DCHS1: variants seen among roughly 807,000 people sequenced by gnomAD.
The protein encoded by DCHS1 is dachsous cadherin-related 1.
In DCHS1, 78 loss-of-function variants were observed where a neutral mutation model predicts 213.9. That is an observed-to-expected ratio of 0.36 (90% CI 0.30 to 0.44). DCHS1 has a LOEUF of 0.44. Among genes scored for constraint, DCHS1 ranks in the 20% least tolerant of loss-of-function variants. The pLI is 1.00. For missense variants in DCHS1, 3,946 were observed against 4,395.9 expected (o/e 0.90, Z 2.89); for synonymous variants, 1,828 against 1,873.7 (o/e 0.98, Z 0.63).
At position 6,627,635 on chromosome 11, in the gene DCHS1, G is replaced by A. The variant is rs750662844; in HGVS notation, c.5404C>T (p.Leu1802Phe). The A allele has an allele frequency of 5.0e-6, 8 of 1,613,184 alleles. No homozygotes were observed. In the Admixed American group the frequency reaches 1.3e-4, roughly 27 times the overall value. ...GDPSGAFVLD[L>F]ASGEFGTMRP... ...ATGGTGCCAAACTCTCCAGAAGCAA[G>A]GTCTAGGACAAAGGCTCCTGATGGG... Residue 1802 changes from leucine to phenylalanine, a missense_variant, in exon 14 of 21, where the codon CTT (leucine) becomes TTT (phenylalanine). Around this residue, in one of 3 missense-constraint regions of DCHS1, gnomAD observed 3,384 missense variants for 3,780.1 expected, o/e 0.90. Coordinates refer to ENST00000299441, the MANE Select transcript of DCHS1 (RefSeq NM_003737.4). This position sits in a 1 kb window ranked among gnomAD's most constrained non-coding sequence, Gnocchi z 5.4.
chr11:6,623,507 A>T lies in DCHS1; in HGVS notation c.8169T>A (p.Thr2723=), dbSNP rs2134610615. The part of the protein sequence containing the change: ...TSVAENQPPG[T]LVTTLHAIDG... The stretch of plus-strand genomic sequence containing the variant: ...CGATTGCATGCAGAGTGGTCACGAG[A>T]GTGCCTGGAGGCTGATTCTCGGCCA... The change falls in exon 21 of 21, where the codon ACT becomes ACA. Residue 2723 remains threonine, a synonymous_variant. Transcript: ENST00000299441. 1.2e-6 allele frequency: 2 copies of T among 1,600,950 alleles called. No individual in the cohort carries two copies. Among genetic ancestry groups the T allele is most frequent in the East Asian group, 4.5e-5 (2 of 44,180 alleles).
chr11:6,624,483 A>T, intron 20 of DCHS1, 93 bp from the exon 21 acceptor site: 1 of 1,409,028 alleles, frequency 7.1e-7, no homozygotes, highest in Non-Finnish European at 9.4e-7. Flanking sequence ...ATGGTTTTGG[A>T]AGTCAGACTC....
In DCHS1 at chr11:6,633,817, G is replaced by A; in HGVS notation, c.2190C>T (p.Pro730=). ...LSYHILAGNS[P]PLFTLDEQSG... ...ATTGCTCATCCAAGGTAAAAAGTGG[G>A]GGGCTGTTGCCAGCCAGGATATGGT... The change falls in exon 4 of 21, where the codon CCC becomes CCT. Residue 730 remains proline (P), a synonymous_variant. Coordinates refer to ENST00000299441, the MANE Select transcript of DCHS1 (RefSeq NM_003737.4). 6.2e-7 allele frequency: 1 copy of A among 1,613,790 alleles called. No homozygotes were observed. Among genetic ancestry groups the A allele is most frequent in the Non-Finnish European group, 8.5e-7 (1 of 1,179,862 alleles).
At chr11:6,635,542 G>A (rs1476603142) in intron 2 of DCHS1, among the ~76,000 whole-genome samples, 2 of 152,158 alleles carry the variant, frequency 1.3e-5, no homozygotes, top group African/African-American at 2.4e-5. Flanking sequence ...AGCTGGCCAA[G>A]GACTTCTGAT....
chr11:6,647,097 A>G (rs2063082), intron 1 of DCHS1, among the ~76,000 whole-genome samples: 33,596 of 152,118 alleles, frequency 0.22, 4,126 homozygotes, highest in Non-Finnish European at 0.27. Context: ...GGGGCGCCAC[A>G]AAAGGTAGAT....
chr11:6,643,183 G>A (rs1205798834), intron 1 of DCHS1, among the ~76,000 whole-genome samples: 4 of 152,110 alleles, frequency 2.6e-5, no homozygotes, highest in Non-Finnish European at 5.9e-5. Context: ...GAAATGCCCC[G>A]GAGCCCCTTA....
chr11:6,624,957 C>T, intron 19 of DCHS1, 89 bp from the exon 20 acceptor site: 3 of 1,557,122 alleles, frequency 1.9e-6, no homozygotes, highest in Middle Eastern at 3.8e-4. Flanking sequence ...TCCTTGTGCC[C>T]TGCTTGGCGT....
chr11:6,650,666 A>T (rs1421484513), intron 1 of DCHS1, among the ~76,000 whole-genome samples: 1 of 152,124 alleles, frequency 6.6e-6, no homozygotes, highest in Non-Finnish European at 1.5e-5. Flanking sequence ...GAGGGCATTA[A>T]AGGAAGGAGC....
At position 6,634,010 on chromosome 11, in the gene DCHS1, T is replaced by C. The variant is rs370633690; in HGVS notation, c.1997A>G (p.Lys666Arg). ...AAACACCTTCACATATACCATGGAC[T>C]TGAGGCCTCCCTGGTGGGACATGCA... Reference protein sequence around the residue: ...TVTAVDGGGLKSMVYVKVFLS... With the variant: ...TVTAVDGGGLRSMVYVKVFLS... The change falls in exon 4 of 21, where the codon AAG (lysine) becomes AGG (arginine). Residue 666 changes from lysine to arginine, a missense_variant. Lys to Arg is a conservative substitution (Grantham distance 26, BLOSUM62 2). Transcript: ENST00000299441. The C allele has an allele frequency of 2.4e-5, 39 of 1,613,706 alleles. No individual in the cohort carries two copies. In the Middle Eastern group the frequency reaches 6.6e-4, roughly 27 times the overall value.
At position 6,628,876 on chromosome 11, in the gene DCHS1, T is replaced by C. The variant is rs1278873462; in HGVS notation, c.5162-46A>G. 5.7e-6 allele frequency: 9 copies of C among 1,571,434 alleles called. No individual in the cohort carries two copies. The highest frequency in any genetic ancestry group is 6.9e-6 in the Non-Finnish European group (8 of 1,154,762). On this transcript the variant is annotated intron_variant, in intron 12 of 20. Coordinates refer to ENST00000299441, the MANE Select transcript of DCHS1 (RefSeq NM_003737.4). This position sits in a 1 kb window ranked among gnomAD's most constrained non-coding sequence, Gnocchi z 4.3. ...TGAGGTCTAGTCTGCCCTCACCACA[T>C]GGAGAAATCCACACCACACAGTGTT...
At chr11:6,631,949 T>TG in intron 6 of DCHS1, 82 bp downstream of exon 6, 1 of 1,456,502 alleles carries the variant, frequency 6.9e-7, no homozygotes, top group Non-Finnish European at 9.1e-7. Flanking sequence ...AGATGGGAGC[T>TG]GGGGGTTGGG....
rs1855937053 is a variant in DCHS1 at position 6,633,075 on chromosome 11, G to T, written c.2456-19C>A. On this transcript the variant is annotated intron_variant, in intron 5 of 20. Transcript: ENST00000299441. Reference sequence around the variant, plus strand: ...AAGCGACCTAGGGAGGATGAAAAAGGGATCAGGAAAGAGATGGAGGGGCAC... The same window carrying T: ...AAGCGACCTAGGGAGGATGAAAAAGTGATCAGGAAAGAGATGGAGGGGCAC... 2 of 1,577,808 alleles carry T rather than the reference G, an allele frequency of 1.3e-6. No homozygotes were observed. Among genetic ancestry groups the T allele is most frequent in the Non-Finnish European group, 1.7e-6 (2 of 1,158,326 alleles).
chr11:6,642,345 T>C (rs1856091124), intron 1 of DCHS1, among the ~76,000 whole-genome samples: 1 of 152,144 alleles, frequency 6.6e-6, no homozygotes, highest in South Asian at 2.1e-4. Flanking sequence ...GAGCTTATAG[T>C]CCAGGAGTTG....
At chr11:6,651,110 G>A (rs1260521256) in intron 1 of DCHS1, among the ~76,000 whole-genome samples, 1 of 152,162 alleles carries the variant, frequency 6.6e-6, no homozygotes, top group East Asian at 1.9e-4. Context: ...TGAGTAATAC[G>A]CACTCTTGCC....
chr11:6,623,791 C>T lies in DCHS1; in HGVS notation c.7885G>A (p.Ala2629Thr), dbSNP rs777477554. The change falls in exon 21 of 21, where the codon GCT (alanine) becomes ACT (threonine). Residue 2629 changes from alanine (A) to threonine (T), a missense_variant. Transcript: ENST00000299441. Reference protein sequence around the residue: ...AELLHVEASDADPGPHGLVRF... With the variant: ...AELLHVEASDTDPGPHGLVRF... ...ACGAGGCCATGAGGGCCAGGGTCAG[C>T]GTCAGAGGCCTCTACATGCAGCAGC... is the stretch of plus-strand genomic sequence containing the variant. The T allele has an allele frequency of 2.5e-6, 4 of 1,613,988 alleles. No homozygotes were observed. The highest frequency in any genetic ancestry group is 3.4e-6 in the Non-Finnish European group (4 of 1,179,890).
In DCHS1 at chr11:6,630,108, G is replaced by C. The variant is rs1589955745; in HGVS notation, c.4686C>G (p.Pro1562=). Residue 1562 remains proline, a synonymous_variant, in exon 10 of 21, where the codon CCC becomes CCG. Transcript: ENST00000299441. ...CCCGGGCTACCACGTGCAGGGCCGC[G>C]GGCCCAGGCGGCTGGTCCTCTGGGA... ...VRLPEDQPPG[P]AALHVVARDP... 2 of 1,603,038 alleles carry C rather than the reference G, an allele frequency of 1.2e-6. No homozygotes were observed. The highest frequency in any genetic ancestry group is 8.5e-7 in the Non-Finnish European group (1 of 1,173,452).
chr11:6,622,825 G>A lies in DCHS1; in HGVS notation c.8851C>T (p.Leu2951Phe), dbSNP rs1474345241. ...VAASLGVVVV[L>F]ALAALVLGLV... is the part of the protein sequence containing the mutation. ...CCTAGGACCAGGGCTGCCAGTGCAA[G>A]CACCACCACAACTCCCAAGGAGGCT... The change falls in exon 21 of 21, where the codon CTT (leucine) becomes TTT (phenylalanine). Residue 2951 changes from leucine (L) to phenylalanine (F), a missense_variant. By Grantham distance (22) the Leu-to-Phe change is conservative. Coordinates refer to ENST00000299441, the MANE Select transcript of DCHS1 (RefSeq NM_003737.4). This position sits in a 1 kb window ranked among gnomAD's most constrained non-coding sequence, Gnocchi z 5.4. 3.1e-6 allele frequency: 5 copies of A among 1,594,394 alleles called. No individual in the cohort carries two copies. The East Asian group carries it at 1.1e-4, about 36-fold the overall frequency.
Position 6,624,715 on chromosome 11 carries a change from C to G in DCHS1, c.7285+15G>C. Reference sequence around the variant, plus strand: ...CACAGTCAAAGGCAAGGGGCAGATCCTGGGAAAGACGCACCATTGTTGGGG... The same window carrying G: ...CACAGTCAAAGGCAAGGGGCAGATCGTGGGAAAGACGCACCATTGTTGGGG... On this transcript the variant is annotated intron_variant, in intron 20 of 20. Coordinates refer to ENST00000299441, the MANE Select transcript of DCHS1 (RefSeq NM_003737.4). 1 of 1,613,818 alleles carries G rather than the reference C, an allele frequency of 6.2e-7. No individual in the cohort carries two copies. The highest frequency in any genetic ancestry group is 8.5e-7 in the Non-Finnish European group (1 of 1,179,814).
At chr11:6,652,046 A>G (rs1856252999) in intron 1 of DCHS1, among the ~76,000 whole-genome samples, 1 of 152,228 alleles carries the variant, frequency 6.6e-6, no homozygotes, top group African/African-American at 2.4e-5. Flanking sequence ...AAGAAGGTCC[A>G]AGCCAGAACT....
Sources: gnomAD v4.1 joint callset for allele counts (sites outside exome capture counted in the v4.1 genomes callset) on GRCh38, gnomAD v4.1.1 for gene constraint, gnomAD v4.1.1 regional missense constraint, Gnocchi (gnomAD v3.1) non-coding constraint, MANE v1.5 for transcripts, NCBI Gene and HGNC (gene_info 2026-07-23, HGNC 2026-07-21) for gene names.